The following RBM47 variants were observed in gnomAD, a reference collection of about 807,000 sequenced individuals.
The protein encoded by RBM47 is RNA binding motif protein 47.
A neutral mutation model predicts 47.1 loss-of-function variants in RBM47; 21 were observed. That is an observed-to-expected ratio of 0.45 (90% CI 0.32 to 0.64). The LOEUF (loss-of-function observed/expected upper bound fraction) is 0.64. RBM47 is among the 30% of genes least tolerant of loss of function. The pLI is 0.05. For synonymous variants in RBM47, 375 were observed against 361.7 expected (o/e 1.04, Z -0.42); for missense variants, 708 against 870.9 (o/e 0.81, Z 2.35).
intron 2 of RBM47, among the ~76,000 whole-genome samples, chr4:40,511,684 A>T (rs981529917): frequency 1.3e-5 from 2 of 152,232 alleles, no homozygotes; most frequent in African/African-American, 4.8e-5. Context: ...GGCTGGGCAC[A>T]GGGGCTCAAG....
At chr4:40,591,152 C>G (rs1284390469) in intron 1 of RBM47, among the ~76,000 whole-genome samples, 1 of 151,956 alleles carries the variant, frequency 6.6e-6, no homozygotes, top group Non-Finnish European at 1.5e-5. Flanking sequence ...TCCACAGAGA[C>G]AGAAAGCACA....
At chr4:40,446,596 G>A (rs546198082) in intron 3 of RBM47, among the ~76,000 whole-genome samples, 1 of 151,920 alleles carries the variant, frequency 6.6e-6, no homozygotes, top group South Asian at 2.1e-4. Flanking sequence ...AAATTAGCTG[G>A]GTGTTGTGGC....
At chr4:40,488,504 A>G (rs1026716015) in intron 2 of RBM47, among the ~76,000 whole-genome samples, 3 of 152,182 alleles carry the variant, frequency 2.0e-5, no homozygotes, top group African/African-American at 4.8e-5. Context: ...TTCTCATATC[A>G]TCATTGTAAT....
At chr4:40,504,331 C>G (rs1466194364) in intron 2 of RBM47, among the ~76,000 whole-genome samples, 3 of 149,004 alleles carry the variant, frequency 2.0e-5, no homozygotes, top group African/African-American at 7.4e-5. Flanking sequence ...TGCTGTGTCA[C>G]CCAGTCTAGA....
chr4:40,491,657 CT>C (rs1332751502), intron 2 of RBM47: 2 of 154,960 alleles, frequency 1.3e-5, no homozygotes, highest in African/African-American at 4.8e-5. Context: ...AATAACCCAA[CT>C]TAAAGATAGG....
At chr4:40,570,687 A>G (rs1731619745) in intron 1 of RBM47, among the ~76,000 whole-genome samples, 2 of 152,080 alleles carry the variant, frequency 1.3e-5, no homozygotes, top group Non-Finnish European at 2.9e-5. Flanking sequence ...AATAAAAATG[A>G]TAAATTTAAA....
At chr4:40,525,329 AC>A (rs1200114198) in intron 2 of RBM47, among the ~76,000 whole-genome samples, 1 of 151,854 alleles carries the variant, frequency 6.6e-6, no homozygotes, top group Non-Finnish European at 1.5e-5. Context: ...GACTATTAGC[AC>A]ACCTGTAGTC....
intron 2 of RBM47, among the ~76,000 whole-genome samples, chr4:40,483,259 A>C (rs1040605759): frequency 6.6e-6 from 1 of 152,230 alleles, no homozygotes. Context: ...TTCAATTTTG[A>C]ATTGGTTGCA....
chr4:40,585,071 C>T (rs78365034), intron 1 of RBM47, among the ~76,000 whole-genome samples: 1 of 152,274 alleles, frequency 6.6e-6, no homozygotes, highest in African/African-American at 2.4e-5. Context: ...CACTACTTTG[C>T]TTTTCTAACA....
At chr4:40,447,781 C>T (rs1036070570) in intron 3 of RBM47, among the ~76,000 whole-genome samples, 2 of 152,084 alleles carry the variant, frequency 1.3e-5, no homozygotes, top group Middle Eastern at 3.2e-3. Context: ...GAGGCTGAGG[C>T]GGGTGGATCA....
chr4:40,524,374 T>G (rs1303010033), intron 2 of RBM47, among the ~76,000 whole-genome samples: 2 of 152,228 alleles, frequency 1.3e-5, no homozygotes, highest in African/African-American at 4.8e-5. Flanking sequence ...CTTGTACCTA[T>G]TAGGCTTACA....
At chr4:40,611,393 A>C (rs1736244979) in intron 1 of RBM47, among the ~76,000 whole-genome samples, 1 of 152,166 alleles carries the variant, frequency 6.6e-6, no homozygotes, top group Non-Finnish European at 1.5e-5. Context: ...TCAATGAATA[A>C]ATGGCTGGAG....
In RBM47 at chr4:40,436,440, C is replaced by G. The variant is rs202152011; in HGVS notation, c.1330+1G>C. 39 of 1,612,914 alleles carry G rather than the reference C, an allele frequency of 2.4e-5. No individual in the cohort carries two copies. Among genetic ancestry groups the G allele is most frequent in the Non-Finnish European group, 3.0e-5 (35 of 1,179,808 alleles). On this transcript the variant is annotated splice_donor_variant, in intron 5 of 6. Coordinates refer to ENST00000295971, the MANE Select transcript of RBM47 (RefSeq NM_001098634.2). LOFTEE classifies it high-confidence loss of function. ...GCATTCTCAATCTGCTTCATACTGA[C>G]CTGTACCAGGTTTAATGGCAACTGG...
intron 2 of RBM47, among the ~76,000 whole-genome samples, chr4:40,493,181 A>G (rs1181213887): frequency 6.6e-6 from 1 of 152,208 alleles, no homozygotes; most frequent in Non-Finnish European, 1.5e-5. Context: ...GATTCCCCCT[A>G]TGAGCTGGGT....
intron 3 of RBM47, among the ~76,000 whole-genome samples, chr4:40,448,351 C>T (rs986854164): frequency 1.3e-5 from 2 of 151,962 alleles, no homozygotes; most frequent in African/African-American, 4.8e-5. Flanking sequence ...CTTGGGAGAG[C>T]TTTATTTGCT....
intron 2 of RBM47, among the ~76,000 whole-genome samples, chr4:40,511,934 C>CAA (rs769931419): frequency 2.2e-4 from 19 of 85,502 alleles, no homozygotes; most frequent in African/African-American, 6.3e-4. Flanking sequence ...GACTCTGTCT[C>CAA]AAAAAAAAAA....
Position 40,439,142 on chromosome 4 carries a change from G to GA in RBM47, c.-31-219dup, listed in dbSNP as rs779918076. On this transcript the variant is annotated intron_variant, in intron 3 of 6. Transcript: ENST00000295971. ...CAAAAACCAGAAGTGAGTTAGGAGA[G>GA]AAAAAAAAAAATCAGAATGAGCAAG... Among the ~76,000 whole-genome samples, 624 of 146,298 alleles carry GA rather than the reference G, an allele frequency of 4.3e-3. 1 individual carries two copies. Among genetic ancestry groups the GA allele is most frequent in the South Asian group, 5.6e-3 (26 of 4,636 alleles).
At chr4:40,495,505 T>C (rs976914195) in intron 2 of RBM47, among the ~76,000 whole-genome samples, 7 of 151,708 alleles carry the variant, frequency 4.6e-5, no homozygotes, top group African/African-American at 1.7e-4. Flanking sequence ...GGGAGGCAGA[T>C]GCAGGAGAAT....
At chr4:40,477,345 C>A (rs1361618867) in intron 2 of RBM47, among the ~76,000 whole-genome samples, 3 of 152,070 alleles carry the variant, frequency 2.0e-5, no homozygotes, top group Non-Finnish European at 4.4e-5. Flanking sequence ...GGGTCAAAAT[C>A]CAAAACAAGT....
Sources: gnomAD v4.1 joint callset for allele counts (sites outside exome capture counted in the v4.1 genomes callset) on GRCh38, gnomAD v4.1.1 for gene constraint, MANE v1.5 for transcripts, NCBI Gene and HGNC (gene_info 2026-07-23, HGNC 2026-07-21) for gene names.